Variants in RSRC1 observed in about 807,000 individuals in gnomAD.
The protein encoded by RSRC1 is serine/Arginine-related protein 53.
A neutral mutation model predicts 49.1 loss-of-function variants in RSRC1; 39 were observed. The observed-to-expected ratio is 0.79, with a 90% CI of 0.61 to 1.04. RSRC1 has a LOEUF of 1.04. RSRC1 is among the 50% of genes least tolerant of loss of function. The probability of loss-of-function intolerance (pLI) is 0.00; values close to 1 mark genes in which losing one functional copy is unlikely to be tolerated. For synonymous variants in RSRC1, 143 were observed against 130.8 expected (o/e 1.09, Z -0.63); for missense variants, 388 against 402.4 (o/e 0.96, Z 0.31).
chr3:158,185,555 A>C (rs938619965), intron 3 of RSRC1, among the ~76,000 whole-genome samples: 1 of 151,938 alleles, frequency 6.6e-6, no homozygotes. Context: ...GCTTTTAAAA[A>C]TTATTCATTC....
At chr3:158,311,068 AGTCATTGATAT>A (rs1376129618) in intron 5 of RSRC1, among the ~76,000 whole-genome samples, 1 of 151,928 alleles carries the variant, frequency 6.6e-6, no homozygotes, top group Non-Finnish European at 1.5e-5. Flanking sequence ...TGCTTTTGTC[AGTCATTGATAT>A]GTCATTGATA....
intron 4 of RSRC1, among the ~76,000 whole-genome samples, chr3:158,207,221 T>C (rs1028161602): frequency 6.6e-6 from 1 of 152,160 alleles, no homozygotes; most frequent in Non-Finnish European, 1.5e-5. Context: ...TACTGTTGTT[T>C]AAACGTTCCT....
chr3:158,311,297 C>T (rs1048259685), intron 5 of RSRC1, among the ~76,000 whole-genome samples: 15 of 151,692 alleles, frequency 9.9e-5, no homozygotes, highest in Admixed American at 5.9e-4. Context: ...CCTGGTATAT[C>T]GGTTGTAAAA....
intron 5 of RSRC1, among the ~76,000 whole-genome samples, chr3:158,341,427 A>G (rs1367109790): frequency 6.6e-6 from 1 of 152,120 alleles, no homozygotes; most frequent in Admixed American, 6.5e-5. Flanking sequence ...AAAAGAGCCA[A>G]TGTACAGCTC....
chr3:158,388,577 C>G (rs1170964443), intron 6 of RSRC1, among the ~76,000 whole-genome samples: 2 of 150,714 alleles, frequency 1.3e-5, no homozygotes, highest in Non-Finnish European at 2.9e-5. Context: ...GACAATTTAC[C>G]AGGCATTTGG....
At chr3:158,307,807 T>C (rs753160508) in intron 5 of RSRC1, among the ~76,000 whole-genome samples, 8 of 151,842 alleles carry the variant, frequency 5.3e-5, no homozygotes, top group Non-Finnish European at 8.8e-5. Context: ...TGAAATTTTA[T>C]GTATATGAAA....
intron 1 of RSRC1, among the ~76,000 whole-genome samples, chr3:158,118,462 T>TGTGTGTGTGTGCGCGCGCGC (rs1491469875): frequency 1.6e-4 from 20 of 124,714 alleles, no homozygotes; most frequent in South Asian, 2.5e-4. Flanking sequence ...TGTGTGTGTG[T>TGTGTGTGTGTGCGCGCGCGC]GCGCGTGCGC....
intron 4 of RSRC1, among the ~76,000 whole-genome samples, chr3:158,209,452 C>A (rs1721537934): frequency 6.6e-6 from 1 of 151,988 alleles, no homozygotes; most frequent in Non-Finnish European, 1.5e-5. Context: ...AACTAATGAC[C>A]CAAACCATTG....
chr3:158,499,104 G>A (rs185235733), intron 7 of RSRC1, among the ~76,000 whole-genome samples: 44 of 152,140 alleles, frequency 2.9e-4, no homozygotes, highest in African/African-American at 6.3e-4. Context: ...CTGGCTGGGC[G>A]CGGTGGCTCA....
At chr3:158,538,722 G>A (rs1181942761) in intron 8 of RSRC1, among the ~76,000 whole-genome samples, 1 of 151,926 alleles carries the variant, frequency 6.6e-6, no homozygotes, top group Non-Finnish European at 1.5e-5. Flanking sequence ...TGAAAGGTAG[G>A]AAGTGGTGCT....
intron 3 of RSRC1, among the ~76,000 whole-genome samples, chr3:158,126,874 TTTTTTGTTTTTG>T (rs139992270): frequency 0.046 from 6,985 of 150,794 alleles, 534 homozygotes; most frequent in African/African-American, 0.16. Flanking sequence ...TGACAGGGTT[TTTTTTGTTTTTG>T]TTTTTGTTTT....
At chr3:158,163,342 G>A (rs1718351943) in intron 3 of RSRC1, among the ~76,000 whole-genome samples, 1 of 152,046 alleles carries the variant, frequency 6.6e-6, no homozygotes, top group Non-Finnish European at 1.5e-5. Context: ...GTGAGTTAAT[G>A]TTTTGTGGTG....
At chr3:158,186,098 T>C (rs1188313318) in intron 3 of RSRC1, among the ~76,000 whole-genome samples, 2 of 151,956 alleles carry the variant, frequency 1.3e-5, no homozygotes, top group Non-Finnish European at 1.5e-5. Flanking sequence ...TAAATCACTT[T>C]AGCATGCAGC....
At chr3:158,271,473 CT>C (rs1421934752) in intron 4 of RSRC1, among the ~76,000 whole-genome samples, 29 of 152,250 alleles carry the variant, frequency 1.9e-4, no homozygotes, top group Non-Finnish European at 3.8e-4. Context: ...TATTCTTTTA[CT>C]CTCATAGACT....
chr3:158,409,032 G>GAATAAT (rs751686079), intron 6 of RSRC1, among the ~76,000 whole-genome samples: 2 of 151,226 alleles, frequency 1.3e-5, no homozygotes, highest in Non-Finnish European at 3.0e-5. Flanking sequence ...GATTCCGTCT[G>GAATAAT]AATAATAATA....
intron 3 of RSRC1, among the ~76,000 whole-genome samples, chr3:158,182,225 A>T (rs1430006515): frequency 1.3e-5 from 2 of 152,182 alleles, no homozygotes; most frequent in Non-Finnish European, 2.9e-5. Flanking sequence ...GGAAGAGCCC[A>T]TGCAAAGGCC....
chr3:158,189,695 C>A (rs1417527153), intron 3 of RSRC1, among the ~76,000 whole-genome samples: 2 of 151,850 alleles, frequency 1.3e-5, no homozygotes, highest in Non-Finnish European at 2.9e-5. Flanking sequence ...TTCAGTTGGA[C>A]AATCTTTCAA....
intron 4 of RSRC1, among the ~76,000 whole-genome samples, chr3:158,281,398 T>C (rs1726159603): frequency 1.3e-5 from 2 of 151,992 alleles, no homozygotes; most frequent in African/African-American, 2.4e-5. Flanking sequence ...CTGGAGCTTA[T>C]GAATGATATA....
chr3:158,363,543 G>A (rs1239576112), intron 6 of RSRC1, among the ~76,000 whole-genome samples: 1 of 152,128 alleles, frequency 6.6e-6, no homozygotes, highest in Admixed American at 6.5e-5. Context: ...GGGATTACAG[G>A]CGTGAGCCAC....
Sources: allele counts gnomAD v4.1 joint callset (sites outside exome capture counted in the v4.1 genomes callset), GRCh38; gene constraint gnomAD v4.1.1; transcripts MANE v1.5; gene names NCBI Gene and HGNC (gene_info 2026-07-23, HGNC 2026-07-21).